Variants in CCNB1 observed in about 807,000 individuals in gnomAD.
CCNB1 encodes cyclin B1, also known as G2/mitotic-specific cyclin-B1.
Under a neutral mutation model 44.4 loss-of-function variants are expected in CCNB1, and 26 were observed. The ratio of observed to expected loss-of-function variants is 0.59; its 90% CI spans 0.43 to 0.81. CCNB1 has a LOEUF of 0.81. Among genes scored for constraint, CCNB1 ranks in the 40% least tolerant of loss-of-function variants. The probability of loss-of-function intolerance (pLI) is 0.00; values close to 1 mark genes in which losing one functional copy is unlikely to be tolerated. For missense variants in CCNB1, 477 were observed against 520.9 expected (o/e 0.92, Z 0.82); for synonymous variants, 195 against 181.4 (o/e 1.08, Z -0.60).
intron 4 of CCNB1, among the ~76,000 whole-genome samples, chr5:69,173,585 T>C (rs759981234): frequency 2.0e-5 from 3 of 152,188 alleles, no homozygotes; most frequent in Non-Finnish European, 2.9e-5. Flanking sequence ...TGGGAGTTAC[T>C]GATATTTTCT....
Position 69,174,954 on chromosome 5 carries a change from G to A in CCNB1, c.783G>A (p.Met261Ile), listed in dbSNP as rs760107019. 2 of 1,614,188 alleles carry A rather than the reference G, an allele frequency of 1.2e-6. No homozygotes were observed. Among genetic ancestry groups the A allele is most frequent in the Admixed American group, 3.3e-5 (2 of 60,006 alleles). ...AMFIASKYEE[M>I]YPPEIGDFAF... Reference sequence around the variant, plus strand: ...TTATTGCAAGCAAATATGAAGAAATGTACCCTCCAGAAATTGGTGACTTTG... The same window carrying A: ...TTATTGCAAGCAAATATGAAGAAATATACCCTCCAGAAATTGGTGACTTTG... The change falls in exon 6 of 9, where the codon ATG becomes ATA. Residue 261 changes from methionine (M) to isoleucine (I), a missense_variant. Physicochemically the swap from Met to Ile is conservative, Grantham distance 10. Transcript: ENST00000256442.
At position 69,175,070 on chromosome 5, in the gene CCNB1, C is replaced by T. The variant is rs868589726; in HGVS notation, c.899C>T (p.Pro300Leu). The T allele has an allele frequency of 6.2e-7, 1 of 1,614,126 alleles. No individual in the cohort carries two copies. Among genetic ancestry groups the T allele is most frequent in the Non-Finnish European group, 8.5e-7 (1 of 1,180,002 alleles). ...GCTTTAAACTTTGGTCTGGGTCGGCCTCTACCTTTGCACTTCCTTCGGAGA... is the reference window on the plus strand; with the variant it reads ...GCTTTAAACTTTGGTCTGGGTCGGCTTCTACCTTTGCACTTCCTTCGGAGA... ...LRALNFGLGR[P>L]LPLHFLRRAS... The change falls in exon 6 of 9, where the codon CCT (proline) becomes CTT (leucine). Residue 300 changes from proline to leucine, a missense_variant. Coordinates refer to ENST00000256442, the MANE Select transcript of CCNB1 (RefSeq NM_031966.4).
intron 4 of CCNB1, among the ~76,000 whole-genome samples, chr5:69,173,244 TTGA>T (rs1425115814): frequency 6.6e-6 from 1 of 152,128 alleles, no homozygotes; most frequent in African/African-American, 2.4e-5. Context: ...AGTATGGTCT[TTGA>T]TGGCTGTAAG....
At chr5:69,174,848 T>C (rs1247224049) in intron 5 of CCNB1, 29 bp from the exon 6 acceptor site, 1 of 1,555,318 alleles carries the variant, frequency 6.4e-7, no homozygotes, top group Admixed American at 1.7e-5. Flanking sequence ...TCAAACATTT[T>C]ATTCACCCTA....
chr5:69,174,222 C>G, intron 4 of CCNB1, 29 bp from the exon 5 acceptor site: 3 of 1,609,528 alleles, frequency 1.9e-6, no homozygotes, highest in Non-Finnish European at 2.5e-6. Context: ...AGTCATGTTT[C>G]TAAGAATAAT....
chr5:69,175,325 C>T, intron 6 of CCNB1, 72 bp from the exon 7 acceptor site: 2 of 1,411,840 alleles, frequency 1.4e-6, no homozygotes, highest in Non-Finnish European at 2.0e-6. Flanking sequence ...GTTAAAGATA[C>T]ATATGGGCAT....
At chr5:69,169,871 C>T (rs1171179407) in intron 3 of CCNB1, among the ~76,000 whole-genome samples, 1 of 151,728 alleles carries the variant, frequency 6.6e-6, no homozygotes, top group East Asian at 1.9e-4. Context: ...AGGCTGGTCT[C>T]GAACTCTTGA....
intron 5 of CCNB1, 82 bp from the exon 6 acceptor site, chr5:69,174,795 A>G: frequency 9.5e-7 from 1 of 1,049,076 alleles, no homozygotes; most frequent in African/African-American, 1.6e-5. Context: ...CTATGGGAGA[A>G]TGTCTTTCTA....
At position 69,177,583 on chromosome 5, in the gene CCNB1, G is replaced by C; in HGVS notation, c.1254G>C (p.Leu418=). ...KHAKISTLPQ[L]NSALVQDLAK... is the part of the protein sequence containing the mutation. ...CTAAGATCAGCACTCTACCACAGCTGAATTCTGCACTAGTTCAAGATTTAG... is the reference window on the plus strand; with the variant it reads ...CTAAGATCAGCACTCTACCACAGCTCAATTCTGCACTAGTTCAAGATTTAG... The change falls in exon 9 of 9, where the codon CTG becomes CTC. Residue 418 remains leucine, a synonymous_variant. Transcript: ENST00000256442. The C allele has an allele frequency of 6.2e-7, 1 of 1,613,782 alleles. No individual in the cohort carries two copies. The highest frequency in any genetic ancestry group is 8.5e-7 in the Non-Finnish European group (1 of 1,179,686).
In CCNB1 at chr5:69,168,175, A is replaced by G; in HGVS notation, c.195A>G (p.Glu65=). ...CATTCTCTCTGTTTCATCTACAGGA[A>G]GCAAAACCTTCAGCTACTGGAAAAG... ...QLQAKMPMKK[E]AKPSATGKVI... The change falls in exon 3 of 9, where the codon GAA becomes GAG. Residue 65 remains glutamate (E), a splice_region_variant and synonymous_variant. Transcript: ENST00000256442. 1 of 1,614,060 alleles carries G rather than the reference A, an allele frequency of 6.2e-7. No individual in the cohort carries two copies. Among genetic ancestry groups the G allele is most frequent in the Non-Finnish European group, 8.5e-7 (1 of 1,179,978 alleles).
intron 4 of CCNB1, among the ~76,000 whole-genome samples, chr5:69,172,377 A>C (rs905502798): frequency 6.6e-6 from 1 of 152,070 alleles, no homozygotes; most frequent in African/African-American, 2.4e-5. Flanking sequence ...ATGCCTCAGC[A>C]TCCCGAGCAG....
At chr5:69,170,140 TA>T (rs1161832648) in intron 3 of CCNB1, among the ~76,000 whole-genome samples, 1 of 150,018 alleles carries the variant, frequency 6.7e-6, no homozygotes, top group East Asian at 2.0e-4. Flanking sequence ...ATTTTTTTAT[TA>T]TTTTTTTATT....
chr5:69,167,363 C>G (rs761138415), intron 1 of CCNB1, 80 bp downstream of exon 1: 6 of 1,540,292 alleles, frequency 3.9e-6, no homozygotes, highest in Admixed American at 1.7e-5. Context: ...GGGAGCCTCC[C>G]GAGCGGGAGA....
chr5:69,175,572 A>C, intron 7 of CCNB1, 35 bp downstream of exon 7: 2 of 1,597,910 alleles, frequency 1.3e-6, no homozygotes, highest in Non-Finnish European at 1.7e-6. Context: ...TAAGCTTTTA[A>C]ATTTTAAAGA....
intron 3 of CCNB1, among the ~76,000 whole-genome samples, chr5:69,170,138 A>T (rs985917922): frequency 2.7e-5 from 4 of 150,088 alleles, no homozygotes; most frequent in Non-Finnish European, 5.9e-5. Flanking sequence ...TAATTTTTTT[A>T]TTATTTTTTT....
intron 7 of CCNB1, 52 bp from the exon 8 acceptor site, chr5:69,177,187 T>C (rs1747614363): frequency 6.8e-6 from 7 of 1,024,630 alleles, no homozygotes; most frequent in Non-Finnish European, 1.1e-5. Flanking sequence ...CTAGAAACTT[T>C]ATGAAAATCA....
intron 7 of CCNB1, chr5:69,176,984 T>A (rs1747610526): frequency 3.5e-6 from 1 of 281,796 alleles, no homozygotes; most frequent in Non-Finnish European, 6.6e-6. Context: ...AAAAAAAAAA[T>A]TACAAAGTTG....
At chr5:69,176,043 T>C (rs1747582302) in intron 7 of CCNB1, among the ~76,000 whole-genome samples, 2 of 143,966 alleles carry the variant, frequency 1.4e-5, no homozygotes, top group African/African-American at 5.2e-5. Flanking sequence ...TCCCAGCTAC[T>C]CTGGAGGCTG....
chr5:69,168,689 A>G (rs1747394095), intron 3 of CCNB1, among the ~76,000 whole-genome samples: 1 of 152,220 alleles, frequency 6.6e-6, no homozygotes, highest in Non-Finnish European at 1.5e-5. Context: ...GATATTAAGT[A>G]GTAGCTGTCT....
Sources: gnomAD v4.1 joint callset for allele counts (sites outside exome capture counted in the v4.1 genomes callset) on GRCh38, gnomAD v4.1.1 for gene constraint, MANE v1.5 for transcripts, NCBI Gene and HGNC (gene_info 2026-07-23, HGNC 2026-07-21) for gene names.